The following NMNAT3 variants were observed in gnomAD, a reference collection of about 807,000 sequenced individuals.
The protein encoded by NMNAT3 is nicotinamide nucleotide adenylyltransferase 3.
Under a neutral mutation model 24.8 loss-of-function variants are expected in NMNAT3, and 21 were observed. That is an observed-to-expected ratio of 0.85 (90% CI 0.60 to 1.22). The LOEUF (loss-of-function observed/expected upper bound fraction) is 1.22. Among genes scored for constraint, NMNAT3 ranks in the 50% most tolerant of loss-of-function variants. The pLI, the probability that NMNAT3 is intolerant of heterozygous loss-of-function variation, is 0.00. For missense variants in NMNAT3, 387 were observed against 436.6 expected (o/e 0.89, Z 1.01); for synonymous variants, 136 against 155.2 (o/e 0.88, Z 0.92).
chr3:139,659,162 C>T (rs116387761), intron 1 of NMNAT3, among the ~76,000 whole-genome samples: 231 of 152,258 alleles, frequency 1.5e-3, no homozygotes, highest in African/African-American at 5.4e-3. Context: ...TTTATCTGTT[C>T]TCCTATTGAT....
In NMNAT3 at chr3:139,561,097, G is replaced by T; in HGVS notation, c.954C>A (p.Ile318=). 6.2e-7 allele frequency: 1 copy of T among 1,614,036 alleles called. No individual in the cohort carries two copies. Among genetic ancestry groups the T allele is most frequent in the Middle Eastern group, 1.7e-4 (1 of 6,056 alleles). Residue 318 remains isoleucine, a synonymous_variant, in exon 7 of 7, where the codon ATC becomes ATA. Coordinates refer to ENST00000643695, the MANE Select transcript of NMNAT3 (RefSeq NM_001320510.2). ...AGAGGCCATGGTCCTTGATGTACGT[G>T]ATGACAGCATCGGGAATCAGGTACT... is the stretch of plus-strand genomic sequence containing the variant.
chr3:139,576,008 A>T, intron 5 of NMNAT3: 1 of 1,288,954 alleles, frequency 7.8e-7, no homozygotes. Flanking sequence ...TAAAATGAGG[A>T]CAACACAAGA....
chr3:139,649,652 G>T (rs968235137), intron 1 of NMNAT3, among the ~76,000 whole-genome samples: 2 of 152,084 alleles, frequency 1.3e-5, no homozygotes, highest in South Asian at 2.1e-4. Context: ...GCTATTGTAC[G>T]CAGCCCTCCT....
chr3:139,663,916 C>T (rs745790591), intron 1 of NMNAT3, among the ~76,000 whole-genome samples: 2 of 152,196 alleles, frequency 1.3e-5, no homozygotes, highest in African/African-American at 4.8e-5. Flanking sequence ...TGACTGTCTT[C>T]ACCCCAATGC....
chr3:139,650,250 A>G (rs2057011599), intron 1 of NMNAT3, among the ~76,000 whole-genome samples: 1 of 152,246 alleles, frequency 6.6e-6, no homozygotes, highest in Non-Finnish European at 1.5e-5. Flanking sequence ...GCCACAAATC[A>G]TAAAAAGTGT....
Position 139,561,023 on chromosome 3 carries a change from C to T in NMNAT3, c.1028G>A (p.Gly343Asp), listed in dbSNP as rs762435006. 9.9e-6 allele frequency: 16 copies of T among 1,611,898 alleles called. No homozygotes were observed. The highest frequency in any genetic ancestry group is 1.3e-5 in the Non-Finnish European group (15 of 1,179,080). ...AGTCCCCCCTCCCTAGCTTGTCTTG[C>T]CCTCAGTGCTCTGGGTGCTTTTGCC... is the stretch of plus-strand genomic sequence containing the variant. The change falls in exon 7 of 7, where the codon GGC becomes GAC. Residue 343 changes from glycine to aspartate, a missense_variant. Coordinates refer to ENST00000643695, the MANE Select transcript of NMNAT3 (RefSeq NM_001320510.2).
At chr3:139,650,493 C>G (rs143540799) in intron 1 of NMNAT3, among the ~76,000 whole-genome samples, 193 of 152,302 alleles carry the variant, frequency 1.3e-3, no homozygotes, top group Admixed American at 3.1e-3. Flanking sequence ...ATTGAAGAAA[C>G]TCACTTGTAG....
intron 1 of NMNAT3, among the ~76,000 whole-genome samples, chr3:139,664,094 G>T (rs1379377994): frequency 6.6e-6 from 1 of 152,194 alleles, no homozygotes; most frequent in Non-Finnish European, 1.5e-5. Context: ...TGTTTGTTGA[G>T]AGTTCCCAAA....
intron 3 of NMNAT3, among the ~76,000 whole-genome samples, chr3:139,607,050 A>C (rs946158482): frequency 4.6e-5 from 7 of 152,132 alleles, no homozygotes; most frequent in Admixed American, 2.6e-4. Context: ...GAAGAATGGC[A>C]TTTAGAAACC....
At chr3:139,615,724 G>C (rs55917517) in intron 3 of NMNAT3, among the ~76,000 whole-genome samples, 141,178 of 152,020 alleles carry the variant, frequency 0.93, 66,481 homozygotes, top group East Asian at 1. Flanking sequence ...CAGAATGCTA[G>C]CGTGTGTATC....
intron 4 of NMNAT3, among the ~76,000 whole-genome samples, chr3:139,581,811 C>A (rs538545849): frequency 6.6e-6 from 1 of 152,076 alleles, no homozygotes; most frequent in African/African-American, 2.4e-5. Context: ...GATGGTCTCA[C>A]GGCTGTACAC....
rs764115314 is a variant in NMNAT3 at position 139,592,469 on chromosome 3, C to T, written c.110-9261G>A. Among the ~76,000 whole-genome samples, 344 of 152,222 alleles carry T rather than the reference C, an allele frequency of 2.3e-3. 1 individual carries two copies. Among genetic ancestry groups the T allele is most frequent in the Admixed American group, 3.5e-3 (54 of 15,282 alleles). On this transcript the variant is annotated intron_variant, in intron 3 of 6. Coordinates refer to ENST00000643695, the MANE Select transcript of NMNAT3 (RefSeq NM_001320510.2). ...ATTCAAATTCAGGAAATACAGAGAA[C>T]TCCACAAAGATACTCCTCGAGAAGA...
intron 3 of NMNAT3, among the ~76,000 whole-genome samples, chr3:139,603,787 G>A (rs1465116714): frequency 6.6e-6 from 1 of 151,294 alleles, no homozygotes; most frequent in Non-Finnish European, 1.5e-5. Context: ...TACCACCACT[G>A]CCACTAGTGC....
intron 1 of NMNAT3, among the ~76,000 whole-genome samples, chr3:139,650,271 T>C (rs945620258): frequency 2.4e-4 from 36 of 152,242 alleles, no homozygotes; most frequent in Non-Finnish European, 7.3e-5. Flanking sequence ...TGACATTTTA[T>C]GACTCCTTAT....
chr3:139,675,802 C>T (rs1178184837), intron 1 of NMNAT3, among the ~76,000 whole-genome samples: 1 of 152,214 alleles, frequency 6.6e-6, no homozygotes, highest in Admixed American at 6.5e-5. Context: ...CTCATTAAAT[C>T]CCCATAATAA....
At chr3:139,579,625 T>G (rs1248875460) in intron 4 of NMNAT3, among the ~76,000 whole-genome samples, 2 of 152,122 alleles carry the variant, frequency 1.3e-5, no homozygotes, top group Non-Finnish European at 2.9e-5. Context: ...TACTTTGAAA[T>G]AGCCATGGAC....
rs1448058573 is a variant in NMNAT3 at position 139,561,521 on chromosome 3, C to G, written c.659-129G>C. 7.1e-6 allele frequency: 6 copies of G among 846,254 alleles called. No individual in the cohort carries two copies. The African/African-American group carries it at 1.0e-4, about 14-fold the overall frequency. The allele number at this position is 846,254 out of a possible 1,614,324, so 52.4% of individuals were successfully genotyped here. On this transcript the variant is annotated intron_variant, in intron 6 of 6. Coordinates refer to ENST00000643695, the MANE Select transcript of NMNAT3 (RefSeq NM_001320510.2). Reference sequence around the variant, plus strand: ...GAACTCAGTGTCTCCATGTTCATGACTTGAAAAGAAAAAGCATGTAAATGA... The same window carrying G: ...GAACTCAGTGTCTCCATGTTCATGAGTTGAAAAGAAAAAGCATGTAAATGA...
chr3:139,597,067 T>G (rs1396231078), intron 3 of NMNAT3, among the ~76,000 whole-genome samples: 1 of 151,200 alleles, frequency 6.6e-6, no homozygotes, highest in African/African-American at 2.4e-5. Context: ...TTCTAATAGT[T>G]TTTCAAATGC....
chr3:139,561,461 A>G, intron 6 of NMNAT3, 69 bp from the exon 7 acceptor site: 1 of 1,435,338 alleles, frequency 7.0e-7, no homozygotes, highest in Non-Finnish European at 9.3e-7. Flanking sequence ...ACATCATTGG[A>G]AAGTCTCACA....
Sources: gnomAD v4.1 joint callset for allele counts (sites outside exome capture counted in the v4.1 genomes callset) on GRCh38, gnomAD v4.1.1 for gene constraint, MANE v1.5 for transcripts, NCBI Gene and HGNC (gene_info 2026-07-23, HGNC 2026-07-21) for gene names.